PHC2: variants seen among roughly 807,000 people sequenced by gnomAD.
PHC2 encodes polyhomeotic homolog 2.
A neutral mutation model predicts 87.4 loss-of-function variants in PHC2; 29 were observed. The ratio of observed to expected loss-of-function variants is 0.33; its 90% CI spans 0.25 to 0.45. PHC2 has a LOEUF of 0.45. Ranked by LOEUF, PHC2 falls within the 20% of genes least tolerant of loss-of-function variation. The pLI is 1.00. For missense variants in PHC2, 857 were observed against 1,136.7 expected (o/e 0.75, Z 3.54); for synonymous variants, 438 against 461.7 (o/e 0.95, Z 0.66).
chr1:33,326,220 G>C (rs901466243), intron 14 of PHC2: 1 of 176,914 alleles, frequency 5.7e-6, no homozygotes, highest in Non-Finnish European at 1.2e-5. Flanking sequence ...TAAAGGAACC[G>C]GGATCTGCCG....
chr1:33,370,640 TC>T, intron 4 of PHC2, 55 bp from the exon 5 acceptor site: 1 of 1,498,320 alleles, frequency 6.7e-7, no homozygotes, highest in Non-Finnish European at 9.1e-7. Context: ...GTGAGCTGTG[TC>T]CCCCTCATCC....
In PHC2 at chr1:33,367,571, G is replaced by C. The variant is rs113269902; in HGVS notation, c.664-143C>G. On this transcript the variant is annotated intron_variant, in intron 6 of 14. Coordinates refer to ENST00000683057, the MANE Select transcript of PHC2 (RefSeq NM_001385109.1). ...ATCAGAGAGAGAGAATGTGTTAGGG[G>C]CTAGAAGAGGAACCAGAAGCACGTG... is the stretch of plus-strand genomic sequence containing the variant. 1.7e-3 allele frequency: 1,139 copies of C among 675,852 alleles called. 21 individuals carry two copies. The African/African-American group carries it at 0.019, about 11-fold the overall frequency. The allele number at this position is 675,852 out of a possible 1,614,324, so 41.9% of individuals were successfully genotyped here.
intron 9 of PHC2, among the ~76,000 whole-genome samples, chr1:33,350,855 TCTC>T (rs199859624): frequency 0.013 from 1,926 of 152,314 alleles, 43 homozygotes; most frequent in African/African-American, 0.044. Context: ...CATATTTCCT[TCTC>T]CTCTGCCTCT....
At chr1:33,413,657 C>G (rs1650072416) in intron 1 of PHC2, among the ~76,000 whole-genome samples, 1 of 152,216 alleles carries the variant, frequency 6.6e-6, no homozygotes. Flanking sequence ...ACTACAACCT[C>G]AAACTAAAAG....
At chr1:33,333,244 A>G (rs965779813) in intron 10 of PHC2, 1 of 152,238 alleles carries the variant, frequency 6.6e-6, no homozygotes, top group African/African-American at 2.4e-5. Flanking sequence ...TTGGCATTTT[A>G]CAGGAGCAGT....
chr1:33,351,496 C>T (rs974268361), intron 9 of PHC2, among the ~76,000 whole-genome samples: 1 of 152,126 alleles, frequency 6.6e-6, no homozygotes, highest in East Asian at 1.9e-4. Flanking sequence ...ACCTCAAATC[C>T]ATCTATGGCA....
intron 1 of PHC2, among the ~76,000 whole-genome samples, chr1:33,426,126 G>A (rs140459242): frequency 2.6e-5 from 4 of 152,318 alleles, no homozygotes; most frequent in African/African-American, 7.2e-5. Context: ...ATGAAACCCA[G>A]AAAAACCTAA....
At position 33,328,926 on chromosome 1, in the gene PHC2, C is replaced by G. The variant is rs751380332; in HGVS notation, c.2369G>C (p.Ser790Thr). The change falls in exon 14 of 15, where the codon AGT becomes ACT. Residue 790 changes from serine (S) to threonine (T), a missense_variant. Physicochemically the swap from Ser to Thr is moderately conservative, Grantham distance 58. Transcript: ENST00000683057. ...LVGMGHHFLPSEPTKWNVEDV... is the reference protein window; with the variant it reads ...LVGMGHHFLPTEPTKWNVEDV... ...TTCTACATTCCACTTGGTGGGCTCA[C>G]TTGGCAGGAAGTGGTGTCCCATGCC... is the stretch of plus-strand genomic sequence containing the variant. 2.5e-6 allele frequency: 4 copies of G among 1,614,014 alleles called. No homozygotes were observed. The highest frequency in any genetic ancestry group is 3.4e-6 in the Non-Finnish European group (4 of 1,179,860).
At position 33,324,993 on chromosome 1, in the gene PHC2, G is replaced by A. The variant is rs1442084176; in HGVS notation, c.2452C>T (p.Arg818Cys). The A allele has an allele frequency of 1.2e-6, 2 of 1,613,284 alleles. No individual in the cohort carries two copies. Among genetic ancestry groups the A allele is most frequent in the Admixed American group, 1.7e-5 (1 of 59,944 alleles). The change falls in exon 15 of 15, where the codon CGT (arginine) becomes TGT (cysteine). Residue 818 changes from arginine to cysteine, a missense_variant. Coordinates refer to ENST00000683057, the MANE Select transcript of PHC2 (RefSeq NM_001385109.1). ...PGCQEIAEEF[R>C]AQEIDGQALL... is the part of the protein sequence containing the mutation. ...GCTTGCCCGTCGATTTCCTGGGCAC[G>A]GAATTCCTCTGCTATCTCCTGGCAG...
At chr1:33,363,591 C>T (rs1311730696) in intron 7 of PHC2, 1 of 191,360 alleles carries the variant, frequency 5.2e-6, no homozygotes, top group Non-Finnish European at 9.6e-6. Flanking sequence ...CGCTCCTCAG[C>T]TGAGACCTGA....
chr1:33,386,206 G>A (rs1044733477), intron 1 of PHC2, among the ~76,000 whole-genome samples: 2 of 151,676 alleles, frequency 1.3e-5, no homozygotes, highest in African/African-American at 4.8e-5. Flanking sequence ...CCAAGGTCAC[G>A]AAAAAGACTG....
intron 14 of PHC2, among the ~76,000 whole-genome samples, chr1:33,328,076 T>C (rs968215320): frequency 2.0e-5 from 3 of 152,240 alleles, no homozygotes; most frequent in Non-Finnish European, 4.4e-5. Context: ...AAGAGGCTTG[T>C]GGTTACCATG....
intron 6 of PHC2, 120 bp from the exon 7 acceptor site, chr1:33,367,548 C>A: frequency 1.3e-6 from 1 of 791,382 alleles, no homozygotes; most frequent in South Asian, 2.0e-5. Context: ...GTTGTCAAAT[C>A]AGAGAGAGAG....
intron 1 of PHC2, among the ~76,000 whole-genome samples, chr1:33,388,915 T>G (rs1263787122): frequency 6.6e-6 from 1 of 152,126 alleles, no homozygotes; most frequent in Admixed American, 6.5e-5. Context: ...TGGGAGTGCC[T>G]TGAATGTGGA....
intron 7 of PHC2, among the ~76,000 whole-genome samples, chr1:33,362,085 A>G (rs1050092266): frequency 3.3e-5 from 5 of 152,244 alleles, no homozygotes; most frequent in Admixed American, 6.5e-5. Context: ...CTCTGACACC[A>G]ACAGGTGGTG....
rs150120585 is a variant in PHC2 at position 33,354,433 on chromosome 1, G to A, written c.1526C>T (p.Thr509Met). 14 of 1,613,902 alleles carry A rather than the reference G, an allele frequency of 8.7e-6. No homozygotes were observed. Among genetic ancestry groups the A allele is most frequent in the Admixed American group, 3.3e-5 (2 of 60,004 alleles). ...TGGGGACGGCTGGATGTTAGGGCTC[G>A]TGGGTACAGGCAGGCCACCAGGCAT... ...TAMPGGLPVP[T>M]SPNIQPSPAH... The change falls in exon 9 of 15, where the codon ACG (threonine) becomes ATG (methionine). Residue 509 changes from threonine (T) to methionine (M), a missense_variant. Transcript: ENST00000683057.
At chr1:33,365,412 TAG>T (rs1407533898) in intron 7 of PHC2, among the ~76,000 whole-genome samples, 4 of 152,084 alleles carry the variant, frequency 2.6e-5, no homozygotes, top group African/African-American at 7.2e-5. Context: ...GGCTTAGATT[TAG>T]AGAGAGGTTA....
At position 33,349,826 on chromosome 1, in the gene PHC2, C is replaced by T; in HGVS notation, c.1558+4575G>A. The T allele has an allele frequency of 1.0e-6, 1 of 975,888 alleles. No homozygotes were observed. Among genetic ancestry groups the T allele is most frequent in the Non-Finnish European group, 1.2e-6 (1 of 824,342 alleles). 60.5% of individuals were successfully genotyped at this position (975,888 alleles called of 1,614,324 possible). On this transcript the variant is annotated intron_variant, in intron 9 of 14. Coordinates refer to ENST00000683057, the MANE Select transcript of PHC2 (RefSeq NM_001385109.1). This position sits in a 1 kb window ranked among gnomAD's most constrained non-coding sequence, Gnocchi z 4.2. Reference sequence around the variant, plus strand: ...CGGGGGCGCGAGGCCGGGGCGGGAGCGCGGGCGGCGGCCGGGGTTGCGCGC... The same window carrying T: ...CGGGGGCGCGAGGCCGGGGCGGGAGTGCGGGCGGCGGCCGGGGTTGCGCGC...
intron 1 of PHC2, among the ~76,000 whole-genome samples, chr1:33,376,448 T>C (rs770030891): frequency 4.6e-5 from 7 of 152,214 alleles, no homozygotes; most frequent in Non-Finnish European, 8.8e-5. Context: ...ATGACCTGTT[T>C]ATTTTGCCAG....
Sources: gnomAD v4.1 joint callset for allele counts (sites outside exome capture counted in the v4.1 genomes callset) on GRCh38, gnomAD v4.1.1 for gene constraint, Gnocchi (gnomAD v3.1) non-coding constraint, MANE v1.5 for transcripts, NCBI Gene and HGNC (gene_info 2026-07-23, HGNC 2026-07-21) for gene names.